Variants in PARM1 observed in about 807,000 individuals in gnomAD.
The protein encoded by PARM1 is WSC4, cell wall integrity and stress response component 4 homolog.
A neutral mutation model predicts 24.6 loss-of-function variants in PARM1; 14 were observed. The ratio of observed to expected loss-of-function variants is 0.57; its 90% CI spans 0.38 to 0.89. PARM1 has a LOEUF of 0.89. Ranked by LOEUF, PARM1 falls within the 40% of genes least tolerant of loss-of-function variation. The probability of loss-of-function intolerance (pLI) is 0.00; values close to 1 mark genes in which losing one functional copy is unlikely to be tolerated. For missense variants in PARM1, 362 were observed against 380.4 expected (o/e 0.95, Z 0.40); for synonymous variants, 179 against 156.6 (o/e 1.14, Z -1.07).
At chr4:74,989,597 TCATTAGGTAGGC>T (rs1480404718) in intron 1 of PARM1, among the ~76,000 whole-genome samples, 1 of 152,144 alleles carries the variant, frequency 6.6e-6, no homozygotes, top group Non-Finnish European at 1.5e-5. Context: ...TATGGATACT[TCATTAGGTAGGC>T]ATAATTGATT....
intron 1 of PARM1, chr4:74,997,669 G>A (rs138148854): frequency 2.8e-4 from 42 of 152,280 alleles, no homozygotes; most frequent in African/African-American, 1.0e-3. Flanking sequence ...ATGCAGGAGA[G>A]AACATAAAGC....
intron 1 of PARM1, among the ~76,000 whole-genome samples, chr4:74,945,910 A>C (rs972990207): frequency 1.3e-5 from 2 of 152,256 alleles, no homozygotes; most frequent in African/African-American, 4.8e-5. Flanking sequence ...ACATTATCAG[A>C]AAGCAGCACA....
intron 1 of PARM1, among the ~76,000 whole-genome samples, chr4:75,003,488 G>A (rs752232691): frequency 2.0e-5 from 3 of 152,184 alleles, no homozygotes; most frequent in Non-Finnish European, 2.9e-5. Context: ...TCTGCAGGTT[G>A]TGATTCAGTG....
chr4:74,939,302 G>T (rs549980776), intron 1 of PARM1, among the ~76,000 whole-genome samples: 107 of 152,236 alleles, frequency 7.0e-4, no homozygotes, highest in African/African-American at 2.4e-3. Flanking sequence ...AGCAACTATA[G>T]GGATTAGGAT....
At chr4:74,994,245 C>T (rs560140742) in intron 1 of PARM1, 1 of 152,258 alleles carries the variant, frequency 6.6e-6, no homozygotes, top group East Asian at 1.9e-4. Flanking sequence ...AACATAATTA[C>T]TATTAGTTTC....
At chr4:74,951,578 G>A (rs1435528159) in intron 1 of PARM1, among the ~76,000 whole-genome samples, 1 of 152,004 alleles carries the variant, frequency 6.6e-6, no homozygotes, top group African/African-American at 2.4e-5. Context: ...TCCTAATGCT[G>A]TCCCTCCCCT....
At chr4:75,008,883 G>T (rs1217099366) in intron 1 of PARM1, among the ~76,000 whole-genome samples, 1 of 151,496 alleles carries the variant, frequency 6.6e-6, no homozygotes, top group Non-Finnish European at 1.5e-5. Flanking sequence ...ACCTCCATCT[G>T]CCTATCTATT....
intron 2 of PARM1, among the ~76,000 whole-genome samples, chr4:75,024,975 G>GTAA (rs1723157372): frequency 6.6e-6 from 1 of 152,206 alleles, no homozygotes; most frequent in Non-Finnish European, 1.5e-5. Flanking sequence ...GATTACAGGC[G>GTAA]TAAGCCACTG....
chr4:74,976,943 C>T (rs896157598), intron 1 of PARM1, among the ~76,000 whole-genome samples: 1 of 152,068 alleles, frequency 6.6e-6, no homozygotes, highest in African/African-American at 2.4e-5. Flanking sequence ...CTACAAAAAC[C>T]CTATCCAAAG....
intron 1 of PARM1, among the ~76,000 whole-genome samples, chr4:74,968,337 A>G (rs941577607): frequency 6.6e-6 from 1 of 152,232 alleles, no homozygotes; most frequent in African/African-American, 2.4e-5. Context: ...GATTACTAAA[A>G]CATTAGGTCT....
At chr4:75,009,957 A>T (rs767835568) in intron 1 of PARM1, among the ~76,000 whole-genome samples, 1 of 152,236 alleles carries the variant, frequency 6.6e-6, no homozygotes, top group Non-Finnish European at 1.5e-5. Flanking sequence ...TCCTCAAAAA[A>T]ATTAAGCAAA....
chr4:74,963,103 T>C (rs1459745345), intron 1 of PARM1, among the ~76,000 whole-genome samples: 1 of 152,222 alleles, frequency 6.6e-6, no homozygotes, highest in Non-Finnish European at 1.5e-5. Flanking sequence ...GTTTCTCCTT[T>C]GCCTTCTGCT....
intron 1 of PARM1, among the ~76,000 whole-genome samples, chr4:74,999,461 A>G (rs1222393979): frequency 6.6e-6 from 1 of 152,198 alleles, no homozygotes; most frequent in Non-Finnish European, 1.5e-5. Flanking sequence ...GGAGACATTA[A>G]GCATTAAAAT....
chr4:74,963,261 G>A (rs72860931), intron 1 of PARM1, among the ~76,000 whole-genome samples: 2 of 152,048 alleles, frequency 1.3e-5, no homozygotes, highest in African/African-American at 4.8e-5. Flanking sequence ...ATCTTACATG[G>A]ATTTTACTTC....
chr4:74,937,536 C>T (rs1483100749), intron 1 of PARM1, among the ~76,000 whole-genome samples: 1 of 152,144 alleles, frequency 6.6e-6, no homozygotes, highest in Non-Finnish European at 1.5e-5. Flanking sequence ...GTACATTAAC[C>T]ACTCTGCATT....
intron 1 of PARM1, among the ~76,000 whole-genome samples, chr4:74,975,950 G>A (rs1456635743): frequency 6.6e-6 from 1 of 152,144 alleles, no homozygotes; most frequent in Admixed American, 6.5e-5. Flanking sequence ...CCCAGAGAGT[G>A]AGAAAAAGCA....
At chr4:74,970,278 G>A (rs1560779304) in intron 1 of PARM1, 1 of 152,282 alleles carries the variant, frequency 6.6e-6, no homozygotes, top group Non-Finnish European at 1.5e-5. Context: ...TGCCTAACTT[G>A]TACCTCACCA....
At chr4:75,034,066 T>A in intron 3 of PARM1, 105 bp downstream of exon 3, 1 of 877,010 alleles carries the variant, frequency 1.1e-6, no homozygotes, top group Non-Finnish European at 1.8e-6. Context: ...TCTTAGCCCT[T>A]AGAAATATTG....
At chr4:74,992,411 G>T (rs1460539596) in intron 1 of PARM1, among the ~76,000 whole-genome samples, 1 of 152,138 alleles carries the variant, frequency 6.6e-6, no homozygotes, top group Non-Finnish European at 1.5e-5. Context: ...GAAAGGGGCA[G>T]TGCAGAAAAA....
Sources: allele counts gnomAD v4.1 joint callset (sites outside exome capture counted in the v4.1 genomes callset), GRCh38; gene constraint gnomAD v4.1.1; transcripts MANE v1.5; gene names NCBI Gene and HGNC (gene_info 2026-07-23, HGNC 2026-07-21).